PSPC1: variants seen among roughly 807,000 people sequenced by gnomAD.
PSPC1 encodes the protein paraspeckle component 1.
In PSPC1, 14 loss-of-function variants were observed where a neutral mutation model predicts 51.6. The observed-to-expected ratio is 0.27, with a 90% confidence interval of 0.18 to 0.42. The LOEUF (loss-of-function observed/expected upper bound fraction) is 0.42, where lower values mean the gene tolerates loss of function less well. Ranked by LOEUF, PSPC1 falls within the 10% of genes least tolerant of loss-of-function variation. PSPC1 has a pLI of 1.00. For synonymous variants in PSPC1, 193 were observed against 231.9 expected (o/e 0.83, Z 1.53); for missense variants, 406 against 701.1 (o/e 0.58, Z 4.75).
At chr13:19,736,818 G>A (rs1442729138) in intron 5 of PSPC1, among the ~76,000 whole-genome samples, 2 of 152,044 alleles carry the variant, frequency 1.3e-5, no homozygotes, top group Non-Finnish European at 2.9e-5. Flanking sequence ...TATAACCATA[G>A]TACAAAATTA....
At chr13:19,681,695 A>G (rs1158352829) in intron 6 of PSPC1, among the ~76,000 whole-genome samples, 1 of 152,234 alleles carries the variant, frequency 6.6e-6, no homozygotes, top group Non-Finnish European at 1.5e-5. Flanking sequence ...TGAAGTCTGC[A>G]GATTTTGGTG....
At chr13:19,770,874 G>A (rs993544640) in intron 2 of PSPC1, among the ~76,000 whole-genome samples, 15 of 151,242 alleles carry the variant, frequency 9.9e-5, no homozygotes, top group Non-Finnish European at 7.4e-5. Flanking sequence ...TGCAGCCTGG[G>A]CGACAGAGTG....
At chr13:19,719,457 C>T (rs181771565) in intron 6 of PSPC1, among the ~76,000 whole-genome samples, 27 of 152,184 alleles carry the variant, frequency 1.8e-4, no homozygotes, top group South Asian at 1.2e-3. Flanking sequence ...GTCATGCCAC[C>T]GCACCCAGCT....
chr13:19,681,469 A>C (rs1349197849), intron 6 of PSPC1, among the ~76,000 whole-genome samples: 1 of 152,186 alleles, frequency 6.6e-6, no homozygotes, highest in Admixed American at 6.5e-5. Flanking sequence ...TATATGATCT[A>C]ATGAGCATGG....
chr13:19,737,787 T>C (rs1485982395), intron 5 of PSPC1, among the ~76,000 whole-genome samples: 2 of 152,084 alleles, frequency 1.3e-5, no homozygotes, highest in African/African-American at 2.4e-5. Flanking sequence ...GAAAAAGCCA[T>C]AAAATACAGC....
intron 3 of PSPC1, among the ~76,000 whole-genome samples, chr13:19,754,659 C>T (rs1475705961): frequency 4.0e-5 from 6 of 151,832 alleles, no homozygotes; most frequent in South Asian, 2.1e-4. Context: ...AGGCTGGTCT[C>T]GAACTCCTGA....
chr13:19,741,675 T>C (rs1408577929), intron 4 of PSPC1, 26 bp from the exon 5 acceptor site: 1 of 1,439,654 alleles, frequency 6.9e-7, no homozygotes, highest in Admixed American at 2.1e-5. Context: ...TGCACATTAA[T>C]ATTTTTAGTT....
downstream of PSPC1, chr13:19,674,585 G>GCACT (rs1056284029): frequency 1.3e-5 from 2 of 152,178 alleles, no homozygotes; most frequent in South Asian, 2.1e-4. Flanking sequence ...GGCTTATAAG[G>GCACT]CACTCAGCAT....
chr13:19,779,820 AG>A (rs1454702433), intron 1 of PSPC1, among the ~76,000 whole-genome samples: 104 of 75,174 alleles, frequency 1.4e-3, no homozygotes, highest in African/African-American at 5.3e-3. Flanking sequence ...GGAAGTGAGG[AG>A]CCCCTCTGCC....
At chr13:19,695,791 T>C (rs1879143251) in intron 6 of PSPC1, among the ~76,000 whole-genome samples, 1 of 152,148 alleles carries the variant, frequency 6.6e-6, no homozygotes, top group African/African-American at 2.4e-5. Context: ...ATGTAACTCA[T>C]TTTGGTGTCA....
chr13:19,686,808 T>C (rs1306052423), intron 6 of PSPC1, among the ~76,000 whole-genome samples: 1 of 152,180 alleles, frequency 6.6e-6, no homozygotes, highest in African/African-American at 2.4e-5. Flanking sequence ...AGGGCCTATT[T>C]AGGTAACTTT....
At chr13:19,671,625 G>A (rs1876132021), downstream of PSPC1, among the ~76,000 whole-genome samples, 1 of 152,170 alleles carries the variant, frequency 6.6e-6, no homozygotes, top group Non-Finnish European at 1.5e-5. Flanking sequence ...GGACAAAATA[G>A]TCTCTCTAAT....
At chr13:19,671,769 T>C (rs1203986987), downstream of PSPC1, 1 of 1,518,492 alleles carries the variant, frequency 6.6e-7, no homozygotes, top group Non-Finnish European at 9.1e-7. Flanking sequence ...CATTTGTGGG[T>C]TTTTTCTTGT....
intron 4 of PSPC1, among the ~76,000 whole-genome samples, chr13:19,744,832 G>A (rs1885796490): frequency 2.0e-5 from 3 of 152,096 alleles, no homozygotes; most frequent in Admixed American, 2.0e-4. Context: ...CAAAGTGCTG[G>A]GATTAAAGGC....
chr13:19,679,357 G>A (rs532039880), intron 6 of PSPC1, among the ~76,000 whole-genome samples: 35 of 152,226 alleles, frequency 2.3e-4, no homozygotes, highest in South Asian at 1.0e-3. Flanking sequence ...TTAGCCACAC[G>A]TGGTGGTACA....
intron 4 of PSPC1, among the ~76,000 whole-genome samples, chr13:19,748,767 CAG>C (rs776929012): frequency 1.8e-4 from 27 of 148,062 alleles, no homozygotes; most frequent in Non-Finnish European, 3.1e-4. Flanking sequence ...AACAAAATGG[CAG>C]AGAAGTGCCT....
intron 6 of PSPC1, among the ~76,000 whole-genome samples, chr13:19,684,585 T>C (rs751827247): frequency 1.3e-5 from 2 of 152,242 alleles, no homozygotes; most frequent in African/African-American, 2.4e-5. Context: ...GAAGATAACA[T>C]GTAAATCAAA....
At chr13:19,758,312 C>CAA (rs369838526) in intron 3 of PSPC1, among the ~76,000 whole-genome samples, 2 of 125,230 alleles carry the variant, frequency 1.6e-5, no homozygotes, top group African/African-American at 5.9e-5. Flanking sequence ...GACTCCGTCT[C>CAA]AAAAAAAAAA....
Position 19,751,060 on chromosome 13 carries a change from C to T in PSPC1, c.967+211G>A, listed in dbSNP as rs139804629. 4.4e-3 allele frequency among the ~76,000 whole-genome samples: 675 copies of T among 152,022 alleles called. 5 individuals carry two copies. The highest frequency in any genetic ancestry group is 8.9e-3 in the Admixed American group (135 of 15,244). The stretch of plus-strand genomic sequence containing the variant: ...CTGGGATTACAGGCGTGAGCCACCG[C>T]GCCCGTCAAGTAAAACTAACTTTTA... On this transcript the variant is annotated intron_variant, in intron 4 of 8. Transcript: ENST00000338910.
Sources: allele counts gnomAD v4.1 joint callset (sites outside exome capture counted in the v4.1 genomes callset), GRCh38; gene constraint gnomAD v4.1.1; transcripts MANE v1.5; gene names NCBI Gene and HGNC (gene_info 2026-07-23, HGNC 2026-07-21).